The following RBFOX1 variants were observed in gnomAD, a reference collection of about 807,000 sequenced individuals.
RBFOX1 encodes RNA binding fox-1 homolog 1.
Under a neutral mutation model 57.7 loss-of-function variants are expected in RBFOX1, and 8 were observed. That is an observed-to-expected ratio of 0.14 (90% CI 0.08 to 0.25). The LOEUF (loss-of-function observed/expected upper bound fraction) is 0.25. RBFOX1 is among the 10% of genes least tolerant of loss of function. The pLI is 1.00. For synonymous variants in RBFOX1, 326 were observed against 222.4 expected (o/e 1.47, Z -4.15); for missense variants, 611 against 548.5 (o/e 1.11, Z -1.14).
chr16:6,483,881 TGAG>T (rs2095416878), intron 2 of RBFOX1: 1 of 1,163,890 alleles, frequency 8.6e-7, no homozygotes, highest in African/African-American at 1.6e-5. Context: ...GATGGAAGGA[TGAG>T]GCTGCGTTTG....
chr16:5,877,606 T>C (rs2057647754), intron 4 of RBFOX1, among the ~76,000 whole-genome samples: 2 of 152,208 alleles, frequency 1.3e-5, no homozygotes. Flanking sequence ...AGCAGTGGTG[T>C]TAAACAGCAG....
intron 1 of RBFOX1, among the ~76,000 whole-genome samples, chr16:6,316,141 A>C (rs560003614): frequency 3.3e-5 from 5 of 152,136 alleles, no homozygotes; most frequent in Admixed American, 6.6e-5. Context: ...TCTGCTACTT[A>C]AGTTTCTCCC....
At chr16:6,184,562 ATTATTC>A (rs1351051442) in intron 1 of RBFOX1, among the ~76,000 whole-genome samples, 1 of 151,974 alleles carries the variant, frequency 6.6e-6, no homozygotes, top group Non-Finnish European at 1.5e-5. Context: ...GGGAATTTTT[ATTATTC>A]TTATTATTTT....
At chr16:7,307,515 T>C (rs547593235) in intron 4 of RBFOX1, among the ~76,000 whole-genome samples, 4 of 152,238 alleles carry the variant, frequency 2.6e-5, no homozygotes, top group Admixed American at 1.3e-4. Flanking sequence ...ATTTGACTTA[T>C]CCTGTTTCAC....
At chr16:7,405,362 A>G (rs1410631598) in intron 4 of RBFOX1, among the ~76,000 whole-genome samples, 1 of 152,228 alleles carries the variant, frequency 6.6e-6, no homozygotes, top group Non-Finnish European at 1.5e-5. Flanking sequence ...CAGATGCAGC[A>G]GTTCACTCCA....
chr16:5,893,578 G>A (rs551871179), intron 4 of RBFOX1, among the ~76,000 whole-genome samples: 2 of 152,118 alleles, frequency 1.3e-5, no homozygotes, highest in African/African-American at 2.4e-5. Context: ...AGGCTGAGGC[G>A]GGTGGATCAC....
intron 4 of RBFOX1, among the ~76,000 whole-genome samples, chr16:7,397,233 ACTT>A (rs1234623141): frequency 2.6e-5 from 4 of 152,198 alleles, no homozygotes. Context: ...CGAAGTGAAG[ACTT>A]TAGTAAGATA....
At chr16:5,314,655 C>A (rs1016639590) in intron 1 of RBFOX1, among the ~76,000 whole-genome samples, 2 of 152,026 alleles carry the variant, frequency 1.3e-5, no homozygotes, top group African/African-American at 4.8e-5. Context: ...CATGCACCAC[C>A]ATGCCCAGCT....
chr16:6,279,357 C>A (rs2076151178), intron 1 of RBFOX1, among the ~76,000 whole-genome samples: 1 of 152,166 alleles, frequency 6.6e-6, no homozygotes, highest in African/African-American at 2.4e-5. Flanking sequence ...GTGGTGAAAA[C>A]CCTTTCTGCC....
At chr16:7,229,515 G>C (rs1239081885) in intron 4 of RBFOX1, among the ~76,000 whole-genome samples, 1 of 148,738 alleles carries the variant, frequency 6.7e-6, no homozygotes, top group African/African-American at 2.5e-5. Flanking sequence ...GGAAGGGAAA[G>C]GAAAGGAGAG....
intron 3 of RBFOX1, among the ~76,000 whole-genome samples, chr16:6,699,406 G>T (rs567578477): frequency 6.6e-6 from 1 of 151,824 alleles, no homozygotes; most frequent in East Asian, 1.9e-4. Context: ...GTGTCTTTCA[G>T]AGTCCAGACC....
chr16:7,439,359 G>T (rs891735468), intron 4 of RBFOX1, among the ~76,000 whole-genome samples: 3 of 138,378 alleles, frequency 2.2e-5, no homozygotes, highest in African/African-American at 8.0e-5. Flanking sequence ...GCTGTGAAAG[G>T]CAGATTAAAA....
intron 2 of RBFOX1, among the ~76,000 whole-genome samples, chr16:5,543,726 A>C (rs1326830531): frequency 6.6e-6 from 1 of 152,180 alleles, no homozygotes; most frequent in African/African-American, 2.4e-5. Flanking sequence ...AAACTACTCT[A>C]GGCACATCAT....
chr16:6,089,612 G>A (rs1363965564), intron 1 of RBFOX1, among the ~76,000 whole-genome samples: 8 of 152,184 alleles, frequency 5.3e-5, no homozygotes, highest in African/African-American at 1.4e-4. Context: ...TTGCTGGGGC[G>A]GGTCTTTTGT....
At chr16:6,842,532 G>C (rs1603631236) in intron 3 of RBFOX1, among the ~76,000 whole-genome samples, 1 of 151,852 alleles carries the variant, frequency 6.6e-6, no homozygotes, top group African/African-American at 2.4e-5. Flanking sequence ...TTTTCAGCTT[G>C]ATGAATATCT....
intron 2 of RBFOX1, among the ~76,000 whole-genome samples, chr16:5,514,458 G>C (rs1000508386): frequency 6.6e-6 from 1 of 152,116 alleles, no homozygotes; most frequent in Non-Finnish European, 1.5e-5. Context: ...CTCATCATAA[G>C]GCCAGCCCAG....
At chr16:6,418,971 T>G (rs573885859) in intron 2 of RBFOX1, among the ~76,000 whole-genome samples, 1 of 152,194 alleles carries the variant, frequency 6.6e-6, no homozygotes, top group Non-Finnish European at 1.5e-5. Context: ...AAAAAGCGTA[T>G]GTATGGGCTT....
intron 1 of RBFOX1, among the ~76,000 whole-genome samples, chr16:5,442,265 C>T (rs1327933690): frequency 6.6e-6 from 1 of 152,192 alleles, no homozygotes; most frequent in South Asian, 2.1e-4. Flanking sequence ...TAGTACTGCA[C>T]AGGGATGTTG....
In RBFOX1 at chr16:6,199,551, C is replaced by G. The variant is rs146606318; in HGVS notation, c.-126-117444C>G. Among the ~76,000 whole-genome samples the G allele has an allele frequency of 6.9e-3, 1,051 of 152,246 alleles. 13 individuals are homozygous for G. Among genetic ancestry groups the G allele is most frequent in the African/African-American group, 0.024 (1,002 of 41,546 alleles). ...TGGTAGTTCTAATTCAGATTTAGTG[C>G]TTTTCTAGCACATTGGACCAAAGGT... On this transcript the variant is annotated intron_variant, in intron 1 of 15. Coordinates refer to ENST00000550418, the MANE Select transcript of RBFOX1 (RefSeq NM_018723.4).
Sources: allele counts gnomAD v4.1 joint callset (sites outside exome capture counted in the v4.1 genomes callset), GRCh38; gene constraint gnomAD v4.1.1; transcripts MANE v1.5; gene names NCBI Gene and HGNC (gene_info 2026-07-23, HGNC 2026-07-21).